The following CSMD1 variants were observed in gnomAD, a reference collection of about 807,000 sequenced individuals.
The protein encoded by CSMD1 is CUB and sushi domain-containing protein 1.
In CSMD1, 213 loss-of-function variants were observed where a neutral mutation model predicts 417.5. The observed-to-expected ratio is 0.51, with a 90% CI of 0.46 to 0.57. The LOEUF is 0.57. Ranked by LOEUF, CSMD1 falls within the 20% of genes least tolerant of loss-of-function variation. CSMD1 has a pLI of 0.00. For synonymous variants in CSMD1, 2,862 were observed against 1,736.8 expected (o/e 1.65, Z -16.11); for missense variants, 6,923 against 4,529.7 (o/e 1.53, Z -15.17).
chr8:4,920,322 A>C (rs146403888), intron 1 of CSMD1, among the ~76,000 whole-genome samples: 1 of 152,326 alleles, frequency 6.6e-6, no homozygotes, highest in East Asian at 1.9e-4. Flanking sequence ...TCTTGAGTCT[A>C]CACATAGGAA....
intron 2 of CSMD1, among the ~76,000 whole-genome samples, chr8:4,567,370 T>G (rs1223831652): frequency 6.6e-6 from 1 of 152,196 alleles, no homozygotes; most frequent in African/African-American, 2.4e-5. Flanking sequence ...AAGAGACCTC[T>G]GTTGCACCAG....
chr8:3,927,353 G>A (rs1266481320), intron 5 of CSMD1, among the ~76,000 whole-genome samples: 5 of 151,824 alleles, frequency 3.3e-5, no homozygotes, highest in Admixed American at 2.6e-4. Context: ...ATGGAAAAAG[G>A]AAAGGTATCA....
At chr8:4,444,806 T>C (rs1406243390) in intron 2 of CSMD1, among the ~76,000 whole-genome samples, 2 of 152,218 alleles carry the variant, frequency 1.3e-5, no homozygotes, top group Non-Finnish European at 2.9e-5. Context: ...GATAATCAGA[T>C]GCTTGTGACC....
At chr8:3,868,893 G>C (rs1363996872) in intron 5 of CSMD1, among the ~76,000 whole-genome samples, 2 of 152,158 alleles carry the variant, frequency 1.3e-5, no homozygotes, top group African/African-American at 4.8e-5. Context: ...TGGTGTGCTT[G>C]CTTCCATCTT....
chr8:4,957,961 C>T (rs1333907244), intron 1 of CSMD1, among the ~76,000 whole-genome samples: 2 of 152,138 alleles, frequency 1.3e-5, no homozygotes, highest in East Asian at 3.8e-4. Flanking sequence ...CTTTTCTCTC[C>T]TTAGTAAGAT....
chr8:3,108,781 G>C (rs977586458), intron 43 of CSMD1, 33 bp from the exon 44 acceptor site: 5 of 1,576,110 alleles, frequency 3.2e-6, no homozygotes, highest in Non-Finnish European at 4.3e-6. Flanking sequence ...GCTGGCTAAG[G>C]ATATTTACTT....
At chr8:3,512,912 T>G (rs954556718) in intron 10 of CSMD1, among the ~76,000 whole-genome samples, 10 of 152,106 alleles carry the variant, frequency 6.6e-5, no homozygotes, top group African/African-American at 2.2e-4. Context: ...AGGAGGAAGA[T>G]GTAACACGTG....
intron 37 of CSMD1, among the ~76,000 whole-genome samples, chr8:3,168,136 G>A (rs1278869654): frequency 6.6e-6 from 1 of 152,044 alleles, no homozygotes; most frequent in African/African-American, 2.4e-5. Context: ...GCAGACCCAT[G>A]TGAAGAGATT....
At chr8:4,470,583 A>G (rs562527536) in intron 2 of CSMD1, among the ~76,000 whole-genome samples, 14 of 152,328 alleles carry the variant, frequency 9.2e-5, no homozygotes, top group South Asian at 4.1e-4. Flanking sequence ...ACCAAATAAT[A>G]TAACTGCCAA....
chr8:3,386,338 C>T (rs1391142306), intron 18 of CSMD1, among the ~76,000 whole-genome samples: 1 of 152,162 alleles, frequency 6.6e-6, no homozygotes, highest in African/African-American at 2.4e-5. Flanking sequence ...ACGCCGAACT[C>T]GACTCCCACC....
At chr8:4,347,865 T>C (rs1257487016) in intron 3 of CSMD1, among the ~76,000 whole-genome samples, 1 of 151,636 alleles carries the variant, frequency 6.6e-6, no homozygotes, top group African/African-American at 2.4e-5. Context: ...AGATCAGAGG[T>C]AATTTCCAAA....
intron 6 of CSMD1, among the ~76,000 whole-genome samples, chr8:3,711,309 T>C (rs1801496366): frequency 1.3e-5 from 2 of 152,112 alleles, no homozygotes; most frequent in South Asian, 4.1e-4. Flanking sequence ...TGGCATTGAC[T>C]CTTGTGGAAG....
At chr8:3,311,501 C>T (rs76952160) in intron 23 of CSMD1, among the ~76,000 whole-genome samples, 3,011 of 152,174 alleles carry the variant, frequency 0.02, 54 homozygotes, top group East Asian at 0.068. Flanking sequence ...TTGCTTGCCT[C>T]GGTCTCCGAA....
chr8:3,529,720 C>G (rs960259784), intron 10 of CSMD1, among the ~76,000 whole-genome samples: 9 of 152,140 alleles, frequency 5.9e-5, no homozygotes, highest in Non-Finnish European at 1.0e-4. Flanking sequence ...GGAGATATAT[C>G]TGTTGTTTTA....
At chr8:4,595,602 C>G (rs1196025852) in intron 2 of CSMD1, among the ~76,000 whole-genome samples, 2 of 152,058 alleles carry the variant, frequency 1.3e-5, no homozygotes, top group African/African-American at 4.8e-5. Flanking sequence ...CCTTTCCTTA[C>G]TTAAGTATAA....
At chr8:4,374,142 A>T (rs1186238940) in intron 3 of CSMD1, among the ~76,000 whole-genome samples, 1 of 152,072 alleles carries the variant, frequency 6.6e-6, no homozygotes, top group Admixed American at 6.5e-5. Flanking sequence ...CAGCTGGATA[A>T]GTACGTCCTT....
At chr8:3,551,514 C>G (rs141921659) in intron 10 of CSMD1, among the ~76,000 whole-genome samples, 2 of 150,836 alleles carry the variant, frequency 1.3e-5, no homozygotes, top group Non-Finnish European at 2.9e-5. Context: ...AGACCCTTTA[C>G]GTCCCTAACC....
intron 5 of CSMD1, among the ~76,000 whole-genome samples, chr8:3,778,531 T>A (rs888827920): frequency 6.6e-6 from 1 of 152,224 alleles, no homozygotes; most frequent in Non-Finnish European, 1.5e-5. Flanking sequence ...ACGCTGCCCG[T>A]GTGCCTGTGC....
chr8:4,191,833 G>A (rs17069304), intron 3 of CSMD1, among the ~76,000 whole-genome samples: 4,250 of 151,314 alleles, frequency 0.028, 220 homozygotes, highest in African/African-American at 0.097. Flanking sequence ...TACAATATGA[G>A]TCAGCAAAAT....
Sources: gnomAD v4.1 joint callset for allele counts (sites outside exome capture counted in the v4.1 genomes callset) on GRCh38, gnomAD v4.1.1 for gene constraint, MANE v1.5 for transcripts, NCBI Gene and HGNC (gene_info 2026-07-23, HGNC 2026-07-21) for gene names.